Variants in PAPPA observed in about 807,000 individuals in gnomAD.
PAPPA encodes the protein pappalysin 1.
In PAPPA, 60 loss-of-function variants were observed where a neutral mutation model predicts 164.0. The ratio of observed to expected loss-of-function variants is 0.37; its 90% CI spans 0.30 to 0.45. PAPPA has a LOEUF of 0.45. PAPPA is among the 20% of genes least tolerant of loss of function. The pLI is 1.00. For synonymous variants in PAPPA, 875 were observed against 814.1 expected (o/e 1.07, Z -1.27); for missense variants, 1,782 against 2,087.3 (o/e 0.85, Z 2.85).
At chr9:116,335,523 C>T (rs975036222) in intron 13 of PAPPA, among the ~76,000 whole-genome samples, 1 of 152,064 alleles carries the variant, frequency 6.6e-6, no homozygotes. Flanking sequence ...CCTAGTTCAC[C>T]GTGTGTTTCA....
chr9:116,267,917 C>T (rs1845090837), intron 8 of PAPPA, among the ~76,000 whole-genome samples: 1 of 136,330 alleles, frequency 7.3e-6, no homozygotes, highest in Non-Finnish European at 1.6e-5. Context: ...AAAGAAATGG[C>T]ATTAAAAAAA....
At chr9:116,266,019 GAT>G in intron 8 of PAPPA, 34 bp downstream of exon 8, 2 of 1,449,358 alleles carry the variant, frequency 1.4e-6, no homozygotes, top group South Asian at 1.2e-5. Flanking sequence ...GAAGAGGAGG[GAT>G]GCTGGTTAGG....
chr9:116,329,347 A>AT (rs937940155), intron 10 of PAPPA, among the ~76,000 whole-genome samples: 9 of 152,142 alleles, frequency 5.9e-5, no homozygotes, highest in African/African-American at 1.2e-4. Context: ...AACAGTTTGG[A>AT]TTTTTTTTAA....
intron 10 of PAPPA, among the ~76,000 whole-genome samples, chr9:116,317,629 A>T (rs1281488941): frequency 6.6e-6 from 1 of 152,196 alleles, no homozygotes; most frequent in African/African-American, 2.4e-5. Context: ...TTTTAGGATT[A>T]TGGTGTTTTC....
At chr9:116,237,568 C>T (rs1417754576) in intron 7 of PAPPA, among the ~76,000 whole-genome samples, 1 of 152,088 alleles carries the variant, frequency 6.6e-6, no homozygotes, top group Non-Finnish European at 1.5e-5. Flanking sequence ...TGAAAGAACC[C>T]TTAGTGATTT....
intron 21 of PAPPA, among the ~76,000 whole-genome samples, chr9:116,390,983 C>T (rs772956080): frequency 2.0e-4 from 31 of 152,278 alleles, no homozygotes; most frequent in Non-Finnish European, 4.1e-4. Flanking sequence ...TGTGGTAGGA[C>T]TGTTAGTACC....
chr9:116,166,194 A>C (rs1173701658), intron 1 of PAPPA, among the ~76,000 whole-genome samples: 1 of 152,208 alleles, frequency 6.6e-6, no homozygotes, highest in African/African-American at 2.4e-5. Flanking sequence ...AAGAAGTCAG[A>C]AGGGAAAAGA....
chr9:116,310,224 A>T (rs1254412981), intron 10 of PAPPA, among the ~76,000 whole-genome samples: 1 of 152,188 alleles, frequency 6.6e-6, no homozygotes, highest in Non-Finnish European at 1.5e-5. Context: ...GGCCTTCACC[A>T]AAGCATTCAT....
rs1025429130 is a variant in PAPPA at position 116,180,621 on chromosome 9, G to C, written c.416-6533G>C. On this transcript the variant is annotated intron_variant, in intron 1 of 21. Transcript: ENST00000328252. Reference sequence around the variant, plus strand: ...CCTTCTATATCTACTCTCCCAATGAGAGAAAACAAACAATAATACGAATTG... The same window carrying C: ...CCTTCTATATCTACTCTCCCAATGACAGAAAACAAACAATAATACGAATTG... Among the ~76,000 whole-genome samples, 5 of 152,166 alleles carry C rather than the reference G, an allele frequency of 3.3e-5. No individual in the cohort carries two copies. The East Asian group carries it at 9.7e-4, about 29-fold the overall frequency.
At chr9:116,236,530 G>A (rs1329387652) in intron 7 of PAPPA, among the ~76,000 whole-genome samples, 4 of 144,148 alleles carry the variant, frequency 2.8e-5, no homozygotes, top group African/African-American at 1.0e-4. Context: ...GGGTTGCAGT[G>A]AACCGAGATC....
At chr9:116,253,806 G>A (rs1844889931) in intron 7 of PAPPA, among the ~76,000 whole-genome samples, 1 of 152,148 alleles carries the variant, frequency 6.6e-6, no homozygotes, top group African/African-American at 2.4e-5. Flanking sequence ...GTAAGTTTTA[G>A]TTATTGTTAA....
At chr9:116,188,935 C>T (rs1437592176) in intron 2 of PAPPA, among the ~76,000 whole-genome samples, 1 of 152,184 alleles carries the variant, frequency 6.6e-6, no homozygotes, top group African/African-American at 2.4e-5. Context: ...TCTCTTACAG[C>T]ACATCATTAA....
intron 9 of PAPPA, among the ~76,000 whole-genome samples, chr9:116,284,668 C>G (rs1427473053): frequency 2.0e-5 from 3 of 150,558 alleles, no homozygotes; most frequent in Non-Finnish European, 4.4e-5. Flanking sequence ...CTTTCCAGAC[C>G]TGCTGCAAGT....
At chr9:116,190,410 C>G (rs1380320663) in intron 2 of PAPPA, among the ~76,000 whole-genome samples, 1 of 152,142 alleles carries the variant, frequency 6.6e-6, no homozygotes, top group African/African-American at 2.4e-5. Flanking sequence ...TACCCTTAGC[C>G]CTGTTTTGCT....
intron 10 of PAPPA, among the ~76,000 whole-genome samples, chr9:116,306,511 G>GT (rs1845648629): frequency 6.6e-6 from 1 of 152,088 alleles, no homozygotes; most frequent in African/African-American, 2.4e-5. Flanking sequence ...AAACTTCCTG[G>GT]TTGTGCAAAT....
At chr9:116,381,165 G>C (rs140744117) in intron 20 of PAPPA, among the ~76,000 whole-genome samples, 302 of 152,274 alleles carry the variant, frequency 2.0e-3, no homozygotes, top group African/African-American at 7.0e-3. Context: ...ATTAGTGGGA[G>C]TCCTGAGGCC....
intron 17 of PAPPA, among the ~76,000 whole-genome samples, chr9:116,359,225 A>G (rs897419055): frequency 6.6e-6 from 1 of 152,234 alleles, no homozygotes; most frequent in Non-Finnish European, 1.5e-5. Flanking sequence ...CAAAAATAAT[A>G]TAATTTCTAC....
intron 21 of PAPPA, among the ~76,000 whole-genome samples, chr9:116,386,326 A>G (rs1846811492): frequency 6.6e-6 from 1 of 152,158 alleles, no homozygotes; most frequent in Non-Finnish European, 1.5e-5. Context: ...TCTTTCTTGG[A>G]CACCCCCAAC....
chr9:116,342,381 G>T (rs893501391), intron 13 of PAPPA, among the ~76,000 whole-genome samples: 17 of 152,206 alleles, frequency 1.1e-4, no homozygotes, highest in Admixed American at 1.0e-3. Flanking sequence ...GTCTCAACAA[G>T]TGTTCCTTAA....
Sources: gnomAD v4.1 joint callset for allele counts (sites outside exome capture counted in the v4.1 genomes callset) on GRCh38, gnomAD v4.1.1 for gene constraint, MANE v1.5 for transcripts, NCBI Gene and HGNC (gene_info 2026-07-23, HGNC 2026-07-21) for gene names.